The following EIF4E variants were observed in gnomAD, a reference collection of about 807,000 sequenced individuals.
EIF4E encodes the protein eukaryotic translation initiation factor 4E.
For synonymous variants in EIF4E, 71 were observed against 88.5 expected (o/e 0.80, Z 1.11); for missense variants, 113 against 265.6 (o/e 0.43, Z 3.99).
chr4:98,904,988 A>G (rs1415632747), intron 1 of EIF4E, among the ~76,000 whole-genome samples: 1 of 152,104 alleles, frequency 6.6e-6, no homozygotes, highest in East Asian at 1.9e-4. Context: ...CGTATGATCT[A>G]TATGGGAACT....
At chr4:98,910,640 T>C (rs546464598) in intron 1 of EIF4E, among the ~76,000 whole-genome samples, 9 of 152,322 alleles carry the variant, frequency 5.9e-5, no homozygotes, top group African/African-American at 1.7e-4. Flanking sequence ...CAGCAAGCTA[T>C]ACTTGAACAC....
intron 2 of EIF4E, among the ~76,000 whole-genome samples, chr4:98,892,907 TTAAAA>T (rs1724215751): frequency 6.6e-6 from 1 of 152,172 alleles, no homozygotes; most frequent in African/African-American, 2.4e-5. Context: ...TATACTTCTC[TTAAAA>T]TAGTTTTATT....
chr4:98,909,597 C>T, intron 1 of EIF4E: 1 of 683,748 alleles, frequency 1.5e-6, no homozygotes, highest in South Asian at 1.7e-5. Context: ...CAGCTTCTTC[C>T]AAGTCCTTTT....
At chr4:98,898,035 C>A (rs1337922665) in intron 2 of EIF4E, among the ~76,000 whole-genome samples, 3 of 151,918 alleles carry the variant, frequency 2.0e-5, no homozygotes, top group South Asian at 2.1e-4. Flanking sequence ...GAAAAAAATT[C>A]TTGGATATGG....
chr4:98,917,113 CACACACACACACACACACACAA>C (rs781538460), intron 1 of EIF4E, among the ~76,000 whole-genome samples: 11 of 82,550 alleles, frequency 1.3e-4, no homozygotes, highest in African/African-American at 1.1e-3. Context: ...CACACACACA[CACACACACACACACACACACAA>C]AAAAAACCCA....
intron 1 of EIF4E, among the ~76,000 whole-genome samples, chr4:98,924,784 G>C (rs1725800302): frequency 6.6e-6 from 1 of 151,870 alleles, no homozygotes; most frequent in African/African-American, 2.4e-5. Context: ...GTAGAGACAG[G>C]GTTTCACCAT....
At chr4:98,885,170 A>C in intron 5 of EIF4E, 109 bp from the exon 6 acceptor site, 1 of 1,332,906 alleles carries the variant, frequency 7.5e-7, no homozygotes, top group Non-Finnish European at 1.0e-6. Context: ...TTAAATCAAG[A>C]GTTAATTTTT....
chr4:98,922,512 C>T lies in EIF4E; in HGVS notation c.18+6583G>A, dbSNP rs960114062. On this transcript the variant is annotated intron_variant, in intron 1 of 6. Coordinates refer to ENST00000450253, the MANE Select transcript of EIF4E (RefSeq NM_001968.5). ...CGGAGGTTGCAGTGAGCCGAGATCG[C>T]GCCACTGTACTCTAGCTGGGACAAC... Among the ~76,000 whole-genome samples, 29 of 149,872 alleles carry T rather than the reference C, an allele frequency of 1.9e-4. 1 individual carries two copies. In the South Asian group the frequency reaches 3.6e-3, roughly 18 times the overall value.
chr4:98,887,935 T>C lies in EIF4E; in HGVS notation c.239A>G (p.Gln80Arg). The C allele has an allele frequency of 1.2e-6, 2 of 1,612,374 alleles. No individual in the cohort carries two copies. Among genetic ancestry groups the C allele is most frequent in the South Asian group, 1.1e-5 (1 of 90,988 alleles). The change falls in exon 4 of 7, where the codon CAG becomes CGG. Residue 80 changes from glutamine to arginine, a missense_variant. By Grantham distance (43) the Gln-to-Arg change is conservative. Coordinates refer to ENST00000450253, the MANE Select transcript of EIF4E (RefSeq NM_001968.5). The surrounding 1 kb of genome is among the most constrained non-coding windows in gnomAD (Gnocchi z 4.0). ...GCCAGGCATTAAATTACTAGACAACTGGATATGGTTGTACAGACTAGGTAA... is the reference window on the plus strand; with the variant it reads ...GCCAGGCATTAAATTACTAGACAACCGGATATGGTTGTACAGACTAGGTAA... ...EDFWALYNHI[Q>R]LSSNLMPGCD...
At chr4:98,902,592 T>C (rs914724363) in intron 1 of EIF4E, among the ~76,000 whole-genome samples, 3 of 152,120 alleles carry the variant, frequency 2.0e-5, no homozygotes, top group Non-Finnish European at 4.4e-5. Flanking sequence ...TGCAACAAAG[T>C]TGGGAAAATC....
At chr4:98,903,302 T>G (rs1011546788) in intron 1 of EIF4E, among the ~76,000 whole-genome samples, 2 of 151,858 alleles carry the variant, frequency 1.3e-5, no homozygotes, top group African/African-American at 2.4e-5. Flanking sequence ...GTCAAATATT[T>G]ATTGTCTAAA....
rs565918244 is a variant in EIF4E, at chr4:98,920,133, T to C, written c.18+8962A>G. On this transcript the variant is annotated intron_variant, in intron 1 of 6. Transcript: ENST00000450253. ...CAATTTGGAAAGGGGAATGAGGTGGTTGGGGAAGATAGGCAGGAGATAGGT... is the reference window on the plus strand; with the variant it reads ...CAATTTGGAAAGGGGAATGAGGTGGCTGGGGAAGATAGGCAGGAGATAGGT... Among the ~76,000 whole-genome samples, 9 of 152,224 alleles carry C rather than the reference T, an allele frequency of 5.9e-5. No homozygotes were observed. The South Asian group carries it at 1.0e-3, about 18-fold the overall frequency.
chr4:98,900,157 G>GA (rs983240793), intron 2 of EIF4E, among the ~76,000 whole-genome samples: 20 of 149,874 alleles, frequency 1.3e-4, no homozygotes, highest in Non-Finnish European at 2.8e-4. Context: ...TCATATCACT[G>GA]AAAAAAATGA....
At chr4:98,891,841 G>A (rs916313715) in intron 2 of EIF4E, among the ~76,000 whole-genome samples, 22 of 152,158 alleles carry the variant, frequency 1.4e-4, no homozygotes, top group Non-Finnish European at 2.9e-4. Flanking sequence ...AATGCTAGTT[G>A]TTATTACAGT....
At chr4:98,893,933 A>G (rs918555899) in intron 2 of EIF4E, among the ~76,000 whole-genome samples, 1 of 152,242 alleles carries the variant, frequency 6.6e-6, no homozygotes, top group African/African-American at 2.4e-5. Flanking sequence ...TAAGGCTTGA[A>G]AGTCAAAATT....
At chr4:98,928,989 CA>C in intron 1 of EIF4E, 105 bp downstream of exon 1, 1 of 1,572,030 alleles carries the variant, frequency 6.4e-7, no homozygotes, top group Non-Finnish European at 8.6e-7. Context: ...GAAGGGGCGG[CA>C]AGGGGTACAG....
chr4:98,924,794 T>C (rs1725800956), intron 1 of EIF4E, among the ~76,000 whole-genome samples: 1 of 152,022 alleles, frequency 6.6e-6, no homozygotes, highest in South Asian at 2.1e-4. Context: ...GGTTTCACCA[T>C]TTTGGCCAGG....
chr4:98,899,933 CA>C (rs1273730472), intron 2 of EIF4E, among the ~76,000 whole-genome samples: 3 of 148,678 alleles, frequency 2.0e-5, no homozygotes, highest in East Asian at 3.9e-4. Context: ...CTATTTTACA[CA>C]AAAAGTAGAA....
intron 5 of EIF4E, among the ~76,000 whole-genome samples, 176 bp from the exon 6 acceptor site, chr4:98,885,237 T>C (rs763245360): frequency 6.6e-6 from 1 of 152,240 alleles, no homozygotes; most frequent in Non-Finnish European, 1.5e-5. Flanking sequence ...AAATACTCAT[T>C]CATTTATTTA....
Sources: gnomAD v4.1 joint callset for allele counts (sites outside exome capture counted in the v4.1 genomes callset) on GRCh38, gnomAD v4.1.1 for gene constraint, Gnocchi (gnomAD v3.1) non-coding constraint, MANE v1.5 for transcripts, NCBI Gene and HGNC (gene_info 2026-07-23, HGNC 2026-07-21) for gene names.